Variants in POT1 observed in about 807,000 individuals in gnomAD.
The protein encoded by POT1 is protection of telomeres 1, also known as protection of telomeres protein 1.
POT1 carries 47 observed loss-of-function variants against 78.5 expected under a neutral mutation model. The observed-to-expected ratio is 0.60, with a 90% CI of 0.47 to 0.76. POT1 has a LOEUF of 0.76. POT1 is among the 30% of genes least tolerant of loss of function. The pLI is 0.00. For missense variants in POT1, 646 were observed against 749.9 expected (o/e 0.86, Z 1.62); for synonymous variants, 259 against 260.7 (o/e 0.99, Z 0.06).
intron 12 of POT1, among the ~76,000 whole-genome samples, chr7:124,844,285 C>T (rs1223334536): frequency 1.3e-5 from 2 of 151,322 alleles, no homozygotes; most frequent in African/African-American, 2.4e-5. Context: ...TGCACCACCA[C>T]GCCCAGCTAA....
chr7:124,886,192 C>A (rs971078288), intron 6 of POT1, among the ~76,000 whole-genome samples: 1 of 152,084 alleles, frequency 6.6e-6, no homozygotes, highest in African/African-American at 2.4e-5. Context: ...TGAATTTTCA[C>A]GAAAAATTCT....
At chr7:124,832,252 CAA>C (rs372881075) in intron 15 of POT1, among the ~76,000 whole-genome samples, 2 of 75,646 alleles carry the variant, frequency 2.6e-5, no homozygotes, top group Non-Finnish European at 4.7e-5. Context: ...ACACTGTCTC[CAA>C]AAAAAAAAAA....
intron 6 of POT1, among the ~76,000 whole-genome samples, chr7:124,875,449 C>T (rs1795967618): frequency 6.6e-6 from 1 of 152,120 alleles, no homozygotes; most frequent in African/African-American, 2.4e-5. Context: ...TAAAAGAAGT[C>T]TGGAGACACC....
intron 15 of POT1, among the ~76,000 whole-genome samples, chr7:124,832,746 G>A (rs762740031): frequency 4.6e-5 from 7 of 151,326 alleles, no homozygotes; most frequent in African/African-American, 9.7e-5. Context: ...CGCTTGAACC[G>A]GGGAGGCAGA....
chr7:124,855,039 C>A (rs750253000), intron 9 of POT1, among the ~76,000 whole-genome samples: 4 of 151,242 alleles, frequency 2.6e-5, no homozygotes, highest in Non-Finnish European at 5.9e-5. Context: ...AATCAAAATT[C>A]CCAGAAGCTT....
rs1388335234 is a variant in POT1, at chr7:124,827,292, T to C, written c.1608A>G (p.Val536=). The change falls in exon 17 of 19, where the codon GTA becomes GTG. Residue 536 remains valine, a synonymous_variant. Coordinates refer to ENST00000357628, the MANE Select transcript of POT1 (RefSeq NM_015450.3). The part of the protein sequence containing the change: ...PSSVAEALGI[V]PLQYVFVMTF... ...TCATAACAAACACATATTGGAGGGG[T>C]ACAATACCCAGTGCTAGTGAAGGAA... 6.3e-7 allele frequency: 1 copy of C among 1,585,202 alleles called. No individual in the cohort carries two copies. The highest frequency in any genetic ancestry group is 8.6e-7 in the Non-Finnish European group (1 of 1,159,330).
chr7:124,842,201 G>T (rs1018326318), intron 13 of POT1, among the ~76,000 whole-genome samples: 2 of 151,826 alleles, frequency 1.3e-5, no homozygotes, highest in East Asian at 1.9e-4. Flanking sequence ...AGGAAAAGTA[G>T]GCAAATTGCA....
rs1413153252 is a variant in POT1, at chr7:124,914,863, GA to G, written c.-154+710del. 2.6e-5 allele frequency among the ~76,000 whole-genome samples: 4 copies of G among 152,210 alleles called. 1 individual carries two copies. The Middle Eastern group carries it at 0.01, about 388-fold the overall frequency. ...GGAACTAATCTCATGCATATACAGA[GA>G]AACAATTGCAACTCAATTTTCTACA... On this transcript the variant is annotated intron_variant, in intron 3 of 18. Coordinates refer to ENST00000357628, the MANE Select transcript of POT1 (RefSeq NM_015450.3).
rs925232449 is a variant in POT1 at position 124,823,216 on chromosome 7, C to A, written c.*746G>T. Reference sequence around the variant, plus strand: ...CCTATTTCGATTCTTTGCCTCATATCATTTTTCAGCTCAACTTAGGGCAAA... The same window carrying A: ...CCTATTTCGATTCTTTGCCTCATATAATTTTTCAGCTCAACTTAGGGCAAA... On this transcript the variant is annotated 3_prime_UTR_variant, in exon 19 of 19. Coordinates refer to ENST00000357628, the MANE Select transcript of POT1 (RefSeq NM_015450.3). 3 of 152,062 alleles carry A rather than the reference C, an allele frequency of 2.0e-5. No homozygotes were observed. The highest frequency in any genetic ancestry group is 7.2e-5 in the African/African-American group (3 of 41,428). The allele number at this position is 152,062 out of a possible 1,614,324, so 9.4% of individuals were successfully genotyped here. A position where few individuals can be genotyped will look rare whatever the true frequency, so the allele number is the denominator to read the frequency against.
intron 9 of POT1, among the ~76,000 whole-genome samples, chr7:124,856,587 C>A (rs1180846831): frequency 6.6e-6 from 1 of 152,144 alleles, no homozygotes; most frequent in Non-Finnish European, 1.5e-5. Context: ...TTACTTCATC[C>A]TCACTACAGG....
intron 7 of POT1, among the ~76,000 whole-genome samples, chr7:124,867,157 T>C (rs1255879988): frequency 6.6e-6 from 1 of 152,186 alleles, no homozygotes; most frequent in Admixed American, 6.5e-5. Context: ...AGATTCAAAA[T>C]ATACCTTAAT....
In POT1 at chr7:124,823,469, C is replaced by A. The variant is rs566787470; in HGVS notation, c.*493G>T. The A allele has an allele frequency of 2.6e-5, 4 of 151,778 alleles. No individual in the cohort carries two copies. The highest frequency in any genetic ancestry group is 9.7e-5 in the African/African-American group (4 of 41,292). 9.4% of individuals were successfully genotyped at this position (151,778 alleles called of 1,614,324 possible). ...TTCAATTAGTTGTAAGTTGTAATAG[C>A]GGCATATTTTACATGAGACTATTAG... On this transcript the variant is annotated 3_prime_UTR_variant, in exon 19 of 19. Coordinates refer to ENST00000357628, the MANE Select transcript of POT1 (RefSeq NM_015450.3).
At chr7:124,896,115 AGTAACTCC>A (rs201465945) in intron 5 of POT1, among the ~76,000 whole-genome samples, 2,375 of 151,858 alleles carry the variant, frequency 0.016, 29 homozygotes, top group Middle Eastern at 0.041. Context: ...ACTCAAAAAC[AGTAACTCC>A]GTTTTCTTGA....
chr7:124,904,795 A>G (rs1796718942), intron 3 of POT1, among the ~76,000 whole-genome samples: 1 of 152,230 alleles, frequency 6.6e-6, no homozygotes, highest in Non-Finnish European at 1.5e-5. Context: ...CAACTTCAGC[A>G]AAGTCTCCGG....
rs138024068 is a variant in POT1 at position 124,832,133 on chromosome 7, C to T, written c.1506-2791G>A. On this transcript the variant is annotated intron_variant, in intron 15 of 18. Coordinates refer to ENST00000357628, the MANE Select transcript of POT1 (RefSeq NM_015450.3). ...AATTAGCCAGGTGTGGTGGTGTGCA[C>T]CTGTAGTCCCAGCTAGTTGGGAGGC... Among the ~76,000 whole-genome samples, 974 of 150,572 alleles carry T rather than the reference C, an allele frequency of 6.5e-3. 13 individuals carry two copies. Among genetic ancestry groups the T allele is most frequent in the African/African-American group, 0.022 (904 of 41,032 alleles).
intron 3 of POT1, among the ~76,000 whole-genome samples, chr7:124,911,183 G>A (rs1796880681): frequency 6.6e-6 from 1 of 152,044 alleles, no homozygotes; most frequent in African/African-American, 2.4e-5. Flanking sequence ...TTGCCTTCAA[G>A]AGGAAGAATA....
At chr7:124,831,212 T>C (rs1180723302) in intron 15 of POT1, among the ~76,000 whole-genome samples, 2 of 152,146 alleles carry the variant, frequency 1.3e-5, no homozygotes, top group Non-Finnish European at 2.9e-5. Context: ...AAACTAAAAT[T>C]TTATACATTA....
chr7:124,825,203 G>T, intron 18 of POT1, 49 bp downstream of exon 18: 1 of 1,234,304 alleles, frequency 8.1e-7, no homozygotes, highest in Non-Finnish European at 1.2e-6. Flanking sequence ...ATATGTTAGT[G>T]CTATCTCAAG....
At position 124,823,836 on chromosome 7, in the gene POT1, A is replaced by G; in HGVS notation, c.*126T>C. On this transcript the variant is annotated 3_prime_UTR_variant, in exon 19 of 19. Transcript: ENST00000357628. ...AAGCCAAGAGATTTAAGGTAAGGAC[A>G]TTTTCTAATCCCATACCCATGCTAA... 1 of 658,672 alleles carries G rather than the reference A, an allele frequency of 1.5e-6. No individual in the cohort carries two copies. The highest frequency in any genetic ancestry group is 2.7e-6 in the Non-Finnish European group (1 of 370,654). The allele number at this position is 658,672 out of a possible 1,614,324, so 40.8% of individuals were successfully genotyped here. A position where few individuals can be genotyped will look rare whatever the true frequency, so the allele number is the denominator to read the frequency against.
Sources: gnomAD v4.1 joint callset for allele counts (sites outside exome capture counted in the v4.1 genomes callset) on GRCh38, gnomAD v4.1.1 for gene constraint, MANE v1.5 for transcripts, NCBI Gene and HGNC (gene_info 2026-07-23, HGNC 2026-07-21) for gene names.